PLCB2: variants seen among roughly 807,000 people sequenced by gnomAD.
The protein encoded by PLCB2 is 1-phosphatidylinositol 4,5-bisphosphate phosphodiesterase beta-2.
In PLCB2, 115 loss-of-function variants were observed where a neutral mutation model predicts 141.7. That is an observed-to-expected ratio of 0.81 (90% CI 0.70 to 0.95). PLCB2 has a LOEUF of 0.95. PLCB2 is among the 40% of genes least tolerant of loss of function. PLCB2 has a pLI of 0.00. For missense variants in PLCB2, 1,403 were observed against 1,541.1 expected (o/e 0.91, Z 1.50); for synonymous variants, 603 against 595.6 (o/e 1.01, Z -0.18).
downstream of PLCB2, among the ~76,000 whole-genome samples, chr15:40,287,059 TC>T (rs1218711404): frequency 6.6e-6 from 1 of 152,192 alleles, no homozygotes; most frequent in Non-Finnish European, 1.5e-5. Flanking sequence ...AGTGAGTTCC[TC>T]TAGGCCCGAA....
At chr15:40,291,509 G>A in intron 25 of PLCB2, 22 bp from the exon 26 acceptor site, 1 of 1,595,008 alleles carries the variant, frequency 6.3e-7, no homozygotes, top group Admixed American at 1.7e-5. Flanking sequence ...CGGGTGAGGC[G>A]CAACACCGGC....
chr15:40,285,485 A>C (rs2039598056), downstream of PLCB2: 19 of 966,758 alleles, frequency 2.0e-5, no homozygotes, highest in South Asian at 2.4e-4. Flanking sequence ...CATTTTTTTT[A>C]TTTTGTTTTG....
intron 3 of PLCB2, 75 bp downstream of exon 3, chr15:40,303,213 G>A (rs1869902): frequency 1.8e-6 from 2 of 1,109,640 alleles, no homozygotes; most frequent in East Asian, 2.4e-5. Context: ...CTTCCCACCC[G>A]CACAGGGACC....
At position 40,291,114 on chromosome 15, in the gene PLCB2, C is replaced by G; in HGVS notation, c.2940G>C (p.Val980=). 1 of 1,581,190 alleles carries G rather than the reference C, an allele frequency of 6.3e-7. No individual in the cohort carries two copies. Among genetic ancestry groups the G allele is most frequent in the South Asian group, 1.1e-5 (1 of 88,160 alleles). ...GCTCCAGCCTGTCTTTCAGCTCCCGCACGCGCCCGTCCACGCCCTCAGGGC... is the reference window on the plus strand; with the variant it reads ...GCTCCAGCCTGTCTTTCAGCTCCCGGACGCGCCCGTCCACGCCCTCAGGGC... The part of the protein sequence containing the change: ...GEGPEGVDGR[V]RELKDRLELE... The change falls in exon 27 of 32, where the codon GTG becomes GTC. Residue 980 remains valine (V), a synonymous_variant. Transcript: ENST00000260402.
chr15:40,301,629 G>C (rs1195769135), intron 7 of PLCB2: 5 of 702,804 alleles, frequency 7.1e-6, no homozygotes, highest in South Asian at 1.5e-5. Context: ...TTCACGCTCA[G>C]CTCCCATTCC....
chr15:40,301,771 C>A, intron 7 of PLCB2, 186 bp downstream of exon 7: 1 of 699,088 alleles, frequency 1.4e-6, no homozygotes, highest in South Asian at 1.6e-5. Context: ...GGGTCTCACT[C>A]CCTTGCCCTG....
intron 11 of PLCB2, 70 bp downstream of exon 11, chr15:40,298,153 C>G (rs1001435175): frequency 1.9e-5 from 28 of 1,470,452 alleles, no homozygotes; most frequent in Non-Finnish European, 2.2e-5. Context: ...GCCCTCCAAC[C>G]CCTCAAAGCT....
At position 40,293,044 on chromosome 15, in the gene PLCB2, A is replaced by G. The variant is rs374866272; in HGVS notation, c.2227-19T>C. 2.0e-6 allele frequency: 3 copies of G among 1,524,218 alleles called. No homozygotes were observed. 94.4% of individuals were successfully genotyped at this position (1,524,218 alleles called of 1,614,324 possible). The stretch of plus-strand genomic sequence containing the variant: ...TCAAGATCTGGGGAGAGTTGGGGAC[A>G]TGACAGGCTGGGAGGGGAGAGAGGA... On this transcript the variant is annotated intron_variant, in intron 20 of 31. Coordinates refer to ENST00000260402, the MANE Select transcript of PLCB2 (RefSeq NM_004573.3).
rs1159416385 is a variant in PLCB2, at chr15:40,290,673, C to T, written c.3114-1G>A. 5 of 1,613,962 alleles carry T rather than the reference C, an allele frequency of 3.1e-6. No homozygotes were observed. The highest frequency in any genetic ancestry group is 1.1e-5 in the South Asian group (1 of 91,080). ...CTTTTTCTTCATCTCTTTGGTGTCGCTGCAGAGAGACAGGCATGAAGGAGC... is the reference window on the plus strand; with the variant it reads ...CTTTTTCTTCATCTCTTTGGTGTCGTTGCAGAGAGACAGGCATGAAGGAGC... On this transcript the variant is annotated splice_acceptor_variant, in intron 28 of 31. Transcript: ENST00000260402. LOFTEE classifies it high-confidence loss of function.
chr15:40,307,830 C>G lies in PLCB2; in HGVS notation c.-158G>C. 3 of 544,702 alleles carry G rather than the reference C, an allele frequency of 5.5e-6. No homozygotes were observed. The highest frequency in any genetic ancestry group is 9.6e-6 in the Non-Finnish European group (3 of 313,256). 33.7% of individuals were successfully genotyped at this position (544,702 alleles called of 1,614,324 possible). ...TTGCTCTTATAGCCCCTGGGGTGGC[C>G]CTGGCTGAGTGCAGGACTGAGCTGT... is the stretch of plus-strand genomic sequence containing the variant. On this transcript the variant is annotated 5_prime_UTR_variant, in exon 1 of 32. Transcript: ENST00000260402.
rs760035036 is a variant in PLCB2 at position 40,291,265 on chromosome 15, C to T, written c.2870G>A (p.Arg957Lys). ...LGPGKGSRKK[R>K]SLPREESAGA... is the part of the protein sequence containing the mutation. ...GGCAGGGCACCGCCACGAGCCTTAC[C>T]TCTTCTTGCGAGAGCCCTTGCCGGG... The change falls in exon 26 of 32, where the codon AGG becomes AAG. Residue 957 changes from arginine to lysine, a missense_variant and splice_region_variant. Arg to Lys is a conservative substitution (Grantham distance 26). Transcript: ENST00000260402. 6.4e-7 allele frequency: 1 copy of T among 1,570,650 alleles called. No homozygotes were observed. Among genetic ancestry groups the T allele is most frequent in the Non-Finnish European group, 8.6e-7 (1 of 1,166,772 alleles).
chr15:40,294,789 C>A, intron 18 of PLCB2, 147 bp downstream of exon 18: 1 of 951,780 alleles, frequency 1.1e-6, no homozygotes, highest in Non-Finnish European at 1.6e-6. Context: ...GCATTTCTAC[C>A]CCCAAATTCT....
Position 40,297,566 on chromosome 15 carries a change from C to T in PLCB2, c.1278G>A (p.Thr426=), listed in dbSNP as rs778713717. ...QQAKMAEYCR[T]IFGDMLLTEP... ...CTGTGAGCAGCATATCCCCAAAGAT[C>T]GTCCGGCAATACTCAGCCATCTTAG... Residue 426 remains threonine, a synonymous_variant, in exon 13 of 32, where the codon ACG becomes ACA. Coordinates refer to ENST00000260402, the MANE Select transcript of PLCB2 (RefSeq NM_004573.3). This position sits in a 1 kb window ranked among gnomAD's most constrained non-coding sequence, Gnocchi z 4.2. 13 of 1,614,162 alleles carry T rather than the reference C, an allele frequency of 8.1e-6. No individual in the cohort carries two copies. The highest frequency in any genetic ancestry group is 1.1e-5 in the Non-Finnish European group (13 of 1,180,020).
chr15:40,299,026 C>T (rs955734719), intron 8 of PLCB2, 62 bp from the exon 9 acceptor site: 12 of 1,586,730 alleles, frequency 7.6e-6, no homozygotes, highest in East Asian at 4.5e-5. Flanking sequence ...TAGACAACCC[C>T]CTTGTCCAGT....
chr15:40,297,016 C>T lies in PLCB2; in HGVS notation c.1324-108G>A. On this transcript the variant is annotated intron_variant, in intron 13 of 31. Transcript: ENST00000260402. The surrounding 1 kb of genome is among the most constrained non-coding windows in gnomAD (Gnocchi z 4.2). ...GGCCTCCCCCACTCCTCTTGACCTGCCTCTCACTACTGCTTATCATCCCCA... is the reference window on the plus strand; with the variant it reads ...GGCCTCCCCCACTCCTCTTGACCTGTCTCTCACTACTGCTTATCATCCCCA... 2.0e-6 allele frequency: 2 copies of T among 1,013,314 alleles called. No homozygotes were observed. Among genetic ancestry groups the T allele is most frequent in the Non-Finnish European group, 3.0e-6 (2 of 659,998 alleles). The allele number at this position is 1,013,314 out of a possible 1,614,324, so 62.8% of individuals were successfully genotyped here.
rs535562145 is a variant in PLCB2 at position 40,302,130 on chromosome 15, G to A, written c.506+6C>T. ...TGGAAGCCTGGGGAGGGGTTGGGGG[G>A]CTCACTTCTTCACCGGAATCTTCCC... is the stretch of plus-strand genomic sequence containing the variant. On this transcript the variant is annotated splice_donor_region_variant and intron_variant, in intron 6 of 31. Coordinates refer to ENST00000260402, the MANE Select transcript of PLCB2 (RefSeq NM_004573.3). The A allele has an allele frequency of 5.0e-6, 8 of 1,611,492 alleles. No individual in the cohort carries two copies. Among genetic ancestry groups the A allele is most frequent in the Non-Finnish European group, 6.8e-6 (8 of 1,178,306 alleles).
At chr15:40,306,090 G>A (rs1293256093) in intron 1 of PLCB2, among the ~76,000 whole-genome samples, 1 of 152,190 alleles carries the variant, frequency 6.6e-6, no homozygotes, top group Non-Finnish European at 1.5e-5. Flanking sequence ...GCCAGGGGGA[G>A]AGCTTCTCCT....
chr15:40,295,382 G>T, intron 16 of PLCB2, 97 bp from the exon 17 acceptor site: 1 of 796,630 alleles, frequency 1.3e-6, no homozygotes, highest in Non-Finnish European at 2.2e-6. Context: ...GGCCTATAGA[G>T]ATGCCTCCAC....
Position 40,303,356 on chromosome 15 carries a change from C to G in PLCB2, c.163G>C (p.Glu55Gln). 6.2e-7 allele frequency: 1 copy of G among 1,613,036 alleles called. No individual in the cohort carries two copies. The highest frequency in any genetic ancestry group is 8.5e-7 in the Non-Finnish European group (1 of 1,179,106). Residue 55 changes from glutamate to glutamine, a missense_variant and splice_region_variant, in exon 3 of 32, where the codon GAG becomes CAG. By Grantham distance (29) the Glu-to-Gln change is conservative (BLOSUM62 2). Coordinates refer to ENST00000260402, the MANE Select transcript of PLCB2 (RefSeq NM_004573.3). ...CTGGTGATATCCAGAAACTCCATCT[C>G]CTGGGGGCAGGGTGCGGATCCCGGT... ...YYLYWTYQSK[E>Q]MEFLDITSIR...
Sources: allele counts gnomAD v4.1 joint callset (sites outside exome capture counted in the v4.1 genomes callset), GRCh38; gene constraint gnomAD v4.1.1; non-coding constraint Gnocchi (gnomAD v3.1); transcripts MANE v1.5; gene names NCBI Gene and HGNC (gene_info 2026-07-23, HGNC 2026-07-21).